SLC20A2: variants seen among roughly 807,000 people sequenced by gnomAD.
SLC20A2 encodes solute carrier family 20 member 2.
Under a neutral mutation model 61.0 loss-of-function variants are expected in SLC20A2, and 30 were observed. The observed-to-expected ratio is 0.49, with a 90% CI of 0.37 to 0.67. The LOEUF is 0.67. Among genes scored for constraint, SLC20A2 ranks in the 30% least tolerant of loss-of-function variants. SLC20A2 has a pLI of 0.00. For synonymous variants in SLC20A2, 351 were observed against 353.3 expected (o/e 0.99, Z 0.07); for missense variants, 626 against 866.4 (o/e 0.72, Z 3.48).
At chr8:42,504,908 C>CAGG (rs974088986), upstream of SLC20A2, among the ~76,000 whole-genome samples, 13 of 133,006 alleles carry the variant, frequency 9.8e-5, no homozygotes, top group Admixed American at 9.1e-4. Flanking sequence ...GTTACTATGC[C>CAGG]AGGTACTGGG....
chr8:42,468,046 G>T lies in SLC20A2; in HGVS notation c.290-2129C>A, dbSNP rs183472477. Among the ~76,000 whole-genome samples, 305 of 151,942 alleles carry T rather than the reference G, an allele frequency of 2.0e-3. 1 individual carries two copies. Among genetic ancestry groups the T allele is most frequent in the South Asian group, 2.7e-3 (13 of 4,812 alleles). ...GCCTCCCGAGTAGCTGGGACTACAG[G>T]TGCCCGCTACCACGCCCGGCTAATT... On this transcript the variant is annotated intron_variant, in intron 2 of 10. Coordinates refer to ENST00000520262, the MANE Select transcript of SLC20A2 (RefSeq NM_001257180.2).
At chr8:42,441,323 T>G (rs1563459839) in intron 6 of SLC20A2, among the ~76,000 whole-genome samples, 2 of 151,042 alleles carry the variant, frequency 1.3e-5, no homozygotes, top group Non-Finnish European at 2.9e-5. Flanking sequence ...CCTGACTAAT[T>G]TTGTATATTT....
At chr8:42,458,859 A>C (rs1346466810) in intron 5 of SLC20A2, among the ~76,000 whole-genome samples, 2 of 150,826 alleles carry the variant, frequency 1.3e-5, no homozygotes, top group African/African-American at 2.4e-5. Flanking sequence ...CAGTGAGCCA[A>C]GATAGCGCCA....
At chr8:42,520,394 T>G (rs1811575294) in intron 1 of SLC20A2, among the ~76,000 whole-genome samples, 1 of 151,794 alleles carries the variant, frequency 6.6e-6, no homozygotes, top group Admixed American at 6.6e-5. Flanking sequence ...AAGTAAAAAT[T>G]AACCTCTACC....
At chr8:42,423,143 C>T (rs914869733) in intron 10 of SLC20A2, among the ~76,000 whole-genome samples, 1 of 152,130 alleles carries the variant, frequency 6.6e-6, no homozygotes, top group Non-Finnish European at 1.5e-5. Flanking sequence ...CCCACAGACA[C>T]ACACATTTGG....
intron 1 of SLC20A2, among the ~76,000 whole-genome samples, chr8:42,531,816 CT>C (rs746692830): frequency 0.056 from 7,786 of 139,152 alleles, 297 homozygotes; most frequent in African/African-American, 0.14. Context: ...TAAGTCTCTG[CT>C]TTTTTTTTTT....
rs533156744 is a variant in SLC20A2, at chr8:42,538,171, G to A, written c.-265+3650C>T. On this transcript the variant is annotated intron_variant, in intron 1 of 10. Transcript: ENST00000342228. ...TTGAGTATCTTTGATGTTTCCCCACGGTATGTAACATTCATTTAATAGGTA... is the reference window on the plus strand; with the variant it reads ...TTGAGTATCTTTGATGTTTCCCCACAGTATGTAACATTCATTTAATAGGTA... The A allele has an allele frequency of 4.0e-5, 6 of 150,488 alleles. No homozygotes were observed. The East Asian group carries it at 7.7e-4, about 19-fold the overall frequency. The allele number at this position is 150,488 out of a possible 1,614,324, so 9.3% of individuals were successfully genotyped here.
At chr8:42,421,854 C>T (rs1938385064) in intron 10 of SLC20A2, among the ~76,000 whole-genome samples, 1 of 146,684 alleles carries the variant, frequency 6.8e-6, no homozygotes, top group Non-Finnish European at 1.5e-5. Flanking sequence ...TGGCTTATAT[C>T]TCAACAGAGA....
intron 1 of SLC20A2, among the ~76,000 whole-genome samples, chr8:42,533,572 T>C (rs1586289624): frequency 6.6e-6 from 1 of 151,728 alleles, no homozygotes; most frequent in Admixed American, 6.6e-5. Flanking sequence ...AGGTTTATAT[T>C]TACCGAGATT....
At chr8:42,483,346 G>A (rs1422746801) in intron 1 of SLC20A2, among the ~76,000 whole-genome samples, 1 of 152,250 alleles carries the variant, frequency 6.6e-6, no homozygotes, top group East Asian at 1.9e-4. Context: ...ACTCCAGCCT[G>A]AGTGACAAGA....
At chr8:42,454,300 C>A (rs899573918) in intron 5 of SLC20A2, among the ~76,000 whole-genome samples, 1 of 152,210 alleles carries the variant, frequency 6.6e-6, no homozygotes, top group Non-Finnish European at 1.5e-5. Context: ...CCGCGCCCGG[C>A]CGAATTTTGG....
At chr8:42,449,811 C>T (rs1302784396) in intron 5 of SLC20A2, among the ~76,000 whole-genome samples, 2 of 152,180 alleles carry the variant, frequency 1.3e-5, no homozygotes, top group Non-Finnish European at 2.9e-5. Context: ...TGTATGTTTC[C>T]AGGCATTTTC....
intron 7 of SLC20A2, 150 bp downstream of exon 7, chr8:42,439,300 C>T (rs1170596741): frequency 5.8e-6 from 4 of 686,130 alleles, no homozygotes; most frequent in Non-Finnish European, 9.6e-6. Flanking sequence ...TTTCCTGAGG[C>T]CTCCCTAGCT....
At position 42,448,328 on chromosome 8, in the gene SLC20A2, T is replaced by C. The variant is rs1206891492; in HGVS notation, c.614-3566A>G. On this transcript the variant is annotated intron_variant, in intron 5 of 10. Coordinates refer to ENST00000520262, the MANE Select transcript of SLC20A2 (RefSeq NM_001257180.2). ...AGAGAGAAACAATCTGGGATACATATTTTAAAAATGAGTGAACGCTTTTGC... is the reference window on the plus strand; with the variant it reads ...AGAGAGAAACAATCTGGGATACATACTTTAAAAATGAGTGAACGCTTTTGC... Among the ~76,000 whole-genome samples, 3 of 152,222 alleles carry C rather than the reference T, an allele frequency of 2.0e-5. No individual in the cohort carries two copies. The East Asian group carries it at 5.8e-4, about 29-fold the overall frequency.
chr8:42,449,467 C>T (rs902007252), intron 5 of SLC20A2, among the ~76,000 whole-genome samples: 9 of 152,178 alleles, frequency 5.9e-5, no homozygotes, highest in Non-Finnish European at 1.2e-4. Flanking sequence ...ACTTTTTATA[C>T]GAGCTCAGTC....
At chr8:42,503,608 TA>T (rs1465185312), upstream of SLC20A2, among the ~76,000 whole-genome samples, 1 of 152,228 alleles carries the variant, frequency 6.6e-6, no homozygotes, top group Non-Finnish European at 1.5e-5. Flanking sequence ...GTAATAATCA[TA>T]AAAACTATTA....
At chr8:42,438,072 A>AAC (rs1804466542) in intron 7 of SLC20A2, among the ~76,000 whole-genome samples, 1 of 145,106 alleles carries the variant, frequency 6.9e-6, no homozygotes, top group African/African-American at 2.7e-5. Context: ...CCAAAAAAAA[A>AAC]AAAAAAAAAA....
At chr8:42,480,396 A>G (rs1049306298) in intron 1 of SLC20A2, 19 of 152,222 alleles carry the variant, frequency 1.2e-4, no homozygotes, top group African/African-American at 4.6e-4. Context: ...ATTTTTTTAA[A>G]AAAAGTTAGG....
intron 5 of SLC20A2, among the ~76,000 whole-genome samples, chr8:42,454,877 T>A (rs993225211): frequency 6.6e-6 from 1 of 151,998 alleles, no homozygotes; most frequent in Non-Finnish European, 1.5e-5. Flanking sequence ...GCCCAGATTT[T>A]TTATATTCCT....
Sources: allele counts gnomAD v4.1 joint callset (sites outside exome capture counted in the v4.1 genomes callset), GRCh38; gene constraint gnomAD v4.1.1; transcripts MANE v1.5; gene names NCBI Gene and HGNC (gene_info 2026-07-23, HGNC 2026-07-21).